PIAS2: variants seen among roughly 807,000 people sequenced by gnomAD.
PIAS2 encodes protein inhibitor of activated STAT 2.
PIAS2 carries 19 observed loss-of-function variants against 69.7 expected under a neutral mutation model. That is an observed-to-expected ratio of 0.27 (90% CI 0.19 to 0.40). The LOEUF is 0.40. Among genes scored for constraint, PIAS2 ranks in the 10% least tolerant of loss-of-function variants. The probability of loss-of-function intolerance (pLI) is 1.00; values close to 1 mark genes in which losing one functional copy is unlikely to be tolerated. For synonymous variants in PIAS2, 261 were observed against 263.2 expected (o/e 0.99, Z 0.08); for missense variants, 624 against 757.0 (o/e 0.82, Z 2.06).
intron 1 of PIAS2, among the ~76,000 whole-genome samples, chr18:46,893,833 A>G (rs370637456): frequency 2.0e-5 from 3 of 152,162 alleles, no homozygotes; most frequent in African/African-American, 4.8e-5. Flanking sequence ...CCCCAAAAAA[A>G]TCCCTCTCCT....
upstream of PIAS2, among the ~76,000 whole-genome samples, chr18:46,918,581 A>C (rs902432400): frequency 6.6e-6 from 1 of 151,960 alleles, no homozygotes; most frequent in African/African-American, 2.4e-5. Context: ...CCGCCTCCCG[A>C]GTAGCTGCGA....
chr18:46,910,673 C>G (rs1054224834), intron 1 of PIAS2, among the ~76,000 whole-genome samples: 1 of 152,120 alleles, frequency 6.6e-6, no homozygotes, highest in East Asian at 1.9e-4. Context: ...TCAAAGAAAC[C>G]TTTCAGAATG....
At chr18:46,865,603 C>T (rs2049326818) in intron 2 of PIAS2, among the ~76,000 whole-genome samples, 1 of 151,452 alleles carries the variant, frequency 6.6e-6, no homozygotes, top group Non-Finnish European at 1.5e-5. Context: ...AAAAAAGATG[C>T]CAGTTGGATA....
chr18:46,846,925 C>T, intron 5 of PIAS2, 84 bp from the exon 6 acceptor site: 1 of 1,178,262 alleles, frequency 8.5e-7, no homozygotes, highest in South Asian at 2.7e-5. Flanking sequence ...AGGATCCTGC[C>T]CAATTTCAGT....
chr18:46,909,032 TAAAAGTGAG>T (rs2056960336), intron 1 of PIAS2, among the ~76,000 whole-genome samples: 1 of 151,954 alleles, frequency 6.6e-6, no homozygotes, highest in Non-Finnish European at 1.5e-5. Flanking sequence ...AAAAATGATT[TAAAAGTGAG>T]CCCAATTGAA....
chr18:46,867,188 T>G (rs1568610592), intron 2 of PIAS2, among the ~76,000 whole-genome samples: 1 of 152,168 alleles, frequency 6.6e-6, no homozygotes, highest in South Asian at 2.1e-4. Context: ...TGACATATCT[T>G]TGACTTTACC....
At chr18:46,908,960 G>T (rs1321306670) in intron 1 of PIAS2, among the ~76,000 whole-genome samples, 1 of 152,106 alleles carries the variant, frequency 6.6e-6, no homozygotes, top group African/African-American at 2.4e-5. Flanking sequence ...AGTAAACTGA[G>T]ATCACGCCAC....
chr18:46,910,123 T>C (rs757670272), intron 1 of PIAS2, among the ~76,000 whole-genome samples: 8 of 151,950 alleles, frequency 5.3e-5, no homozygotes, highest in Non-Finnish European at 1.2e-4. Flanking sequence ...GCCACTGCAC[T>C]CCAGCCTGGG....
In PIAS2 at chr18:46,838,305, A is replaced by G. The variant is rs142691829; in HGVS notation, c.1042-1788T>C. The stretch of plus-strand genomic sequence containing the variant: ...ACACTTTCACAATTACATAACAATT[A>G]TACTAAAAGGATGGTATTATTACCA... On this transcript the variant is annotated intron_variant, in intron 8 of 13. Coordinates refer to ENST00000585916, the MANE Select transcript of PIAS2 (RefSeq NM_004671.5). 4.6e-5 allele frequency among the ~76,000 whole-genome samples: 7 copies of G among 152,342 alleles called. No homozygotes were observed. In the East Asian group the frequency reaches 9.6e-4, roughly 21 times the overall value.
chr18:46,873,840 C>T (rs544387407), intron 2 of PIAS2, among the ~76,000 whole-genome samples: 3 of 152,294 alleles, frequency 2.0e-5, no homozygotes, highest in East Asian at 1.9e-4. Context: ...AACAAGCTGC[C>T]GTTTCCTCTG....
chr18:46,872,218 A>T (rs2050466707), intron 2 of PIAS2, among the ~76,000 whole-genome samples: 1 of 152,202 alleles, frequency 6.6e-6, no homozygotes, highest in South Asian at 2.1e-4. Context: ...AACAGTCCAG[A>T]CTACCCACCC....
intron 2 of PIAS2, among the ~76,000 whole-genome samples, chr18:46,889,219 CA>C (rs542620617): frequency 1.3e-5 from 2 of 152,004 alleles, no homozygotes; most frequent in Admixed American, 6.6e-5. Flanking sequence ...GCAACAACAA[CA>C]AAAAATAAAC....
intron 10 of PIAS2, among the ~76,000 whole-genome samples, chr18:46,828,517 G>C (rs2043138525): frequency 6.6e-6 from 1 of 152,144 alleles, no homozygotes; most frequent in South Asian, 2.1e-4. Flanking sequence ...GACAAGAATG[G>C]GTGAGTTCAA....
At position 46,891,609 on chromosome 18, in the gene PIAS2, T is replaced by C. The variant is rs568000438; in HGVS notation, c.25-555A>G. On this transcript the variant is annotated intron_variant, in intron 1 of 13. Transcript: ENST00000585916. Reference sequence around the variant, plus strand: ...TAACAAACAAACAACATAATAAAGATATTTTAAAATATTAAAGCTAAAAAA... The same window carrying C: ...TAACAAACAAACAACATAATAAAGACATTTTAAAATATTAAAGCTAAAAAA... 1.0e-4 allele frequency: 69 copies of C among 686,384 alleles called. No homozygotes were observed. The African/African-American group carries it at 1.3e-3, about 12-fold the overall frequency. 42.5% of individuals were successfully genotyped at this position (686,384 alleles called of 1,614,324 possible). A position where few individuals can be genotyped will look rare whatever the true frequency, so the allele number is the denominator to read the frequency against.
At chr18:46,907,663 T>G (rs2056781644) in intron 1 of PIAS2, 1 of 152,238 alleles carries the variant, frequency 6.6e-6, no homozygotes, top group South Asian at 2.1e-4. Flanking sequence ...TCAACTGGTT[T>G]GAACTGTGCA....
chr18:46,837,057 C>T (rs931227740), intron 8 of PIAS2, among the ~76,000 whole-genome samples: 3 of 152,082 alleles, frequency 2.0e-5, no homozygotes, highest in Non-Finnish European at 2.9e-5. Context: ...TGTTCCCAAT[C>T]TTTTATCACT....
At chr18:46,841,038 T>C (rs1169214688) in intron 8 of PIAS2, among the ~76,000 whole-genome samples, 1 of 152,052 alleles carries the variant, frequency 6.6e-6, no homozygotes, top group African/African-American at 2.4e-5. Flanking sequence ...TCTTTCTTTC[T>C]TTTTCTCTCC....
At chr18:46,863,085 C>T (rs1280675858) in intron 3 of PIAS2, among the ~76,000 whole-genome samples, 1 of 152,128 alleles carries the variant, frequency 6.6e-6, no homozygotes, top group African/African-American at 2.4e-5. Flanking sequence ...AGTTCATCTG[C>T]TCTTTACAAA....
rs1040152019 is a variant in PIAS2, at chr18:46,877,136, C to G, written c.500-12888G>C. On this transcript the variant is annotated intron_variant, in intron 2 of 13. Transcript: ENST00000585916. ...ATCATACCCTGTGCCAGAAGCCTAG[C>G]ACAAAGGCTTATTGAAACAGCTCTT... 5.9e-5 allele frequency among the ~76,000 whole-genome samples: 9 copies of G among 152,214 alleles called. No individual in the cohort carries two copies. In the South Asian group the frequency reaches 6.2e-4, roughly 11 times the overall value.
Sources: gnomAD v4.1 joint callset for allele counts (sites outside exome capture counted in the v4.1 genomes callset) on GRCh38, gnomAD v4.1.1 for gene constraint, MANE v1.5 for transcripts, NCBI Gene and HGNC (gene_info 2026-07-23, HGNC 2026-07-21) for gene names.